Variants in CNTN4 observed in about 807,000 individuals in gnomAD.
CNTN4 encodes the protein contactin 4.
CNTN4 carries 77 observed loss-of-function variants against 122.5 expected under a neutral mutation model. The ratio of observed to expected loss-of-function variants is 0.63; its 90% CI spans 0.52 to 0.76. CNTN4 has a LOEUF of 0.76. CNTN4 is among the 30% of genes least tolerant of loss of function. The pLI is 0.00. For synonymous variants in CNTN4, 512 were observed against 447.0 expected (o/e 1.15, Z -1.83); for missense variants, 1,256 against 1,259.1 (o/e 1.00, Z 0.04).
At chr3:2,443,025 G>A (rs964161939) in intron 3 of CNTN4, among the ~76,000 whole-genome samples, 22 of 151,734 alleles carry the variant, frequency 1.4e-4, no homozygotes, top group African/African-American at 5.3e-4. Flanking sequence ...GAGAAGAAAA[G>A]GTAACTATTG....
intron 2 of CNTN4, among the ~76,000 whole-genome samples, chr3:2,210,369 A>T (rs866863826): frequency 2.6e-5 from 4 of 152,156 alleles, no homozygotes; most frequent in Non-Finnish European, 2.9e-5. Flanking sequence ...GGAGGAGGTG[A>T]CAGCACGCTG....
rs1401388652 is a variant in CNTN4 at position 2,167,181 on chromosome 3, G to T, written c.-145+66542G>T. Among the ~76,000 whole-genome samples, 6 of 152,020 alleles carry T rather than the reference G, an allele frequency of 3.9e-5. No homozygotes were observed. The East Asian group carries it at 1.2e-3, about 29-fold the overall frequency. ...TAAACCAATTCCATGCTGTTTAAAA[G>T]AAGACTTTTTTTTTAAATGGCACAA... is the stretch of plus-strand genomic sequence containing the variant. On this transcript the variant is annotated intron_variant, in intron 2 of 24. Transcript: ENST00000418658.
chr3:2,105,467 C>T (rs1215589620), intron 2 of CNTN4, among the ~76,000 whole-genome samples: 3 of 152,138 alleles, frequency 2.0e-5, no homozygotes, highest in African/African-American at 7.2e-5. Flanking sequence ...AGGAAATTTA[C>T]AACCATGGCA....
chr3:2,272,911 T>G (rs567343127), intron 2 of CNTN4, among the ~76,000 whole-genome samples: 1 of 152,020 alleles, frequency 6.6e-6, no homozygotes, highest in Non-Finnish European at 1.5e-5. Flanking sequence ...TCAAGCCCTA[T>G]CAAAGTGCCC....
At chr3:2,168,696 T>G (rs561312825) in intron 2 of CNTN4, among the ~76,000 whole-genome samples, 71 of 152,296 alleles carry the variant, frequency 4.7e-4, no homozygotes, top group African/African-American at 1.6e-3. Context: ...CTTTGTTGTT[T>G]CTGATTCAAA....
intron 13 of CNTN4, among the ~76,000 whole-genome samples, chr3:2,943,197 G>C (rs1479460318): frequency 1.0e-5 from 1 of 98,906 alleles, no homozygotes; most frequent in East Asian, 2.8e-4. Flanking sequence ...GCTCACAACT[G>C]ATTCCTGTCC....
intron 3 of CNTN4, among the ~76,000 whole-genome samples, chr3:2,368,043 T>G (rs951794650): frequency 2.0e-5 from 3 of 148,296 alleles, no homozygotes; most frequent in African/African-American, 7.5e-5. Flanking sequence ...TTTTTTTTTT[T>G]TTTTTTTGAG....
At chr3:3,003,881 C>G (rs190337341) in intron 14 of CNTN4, among the ~76,000 whole-genome samples, 1 of 151,992 alleles carries the variant, frequency 6.6e-6, no homozygotes, top group East Asian at 1.9e-4. Context: ...CACTAGGTAG[C>G]TGGGATTACA....
intron 2 of CNTN4, among the ~76,000 whole-genome samples, chr3:2,271,545 A>C (rs1021843185): frequency 6.6e-6 from 1 of 152,196 alleles, no homozygotes; most frequent in African/African-American, 2.4e-5. Flanking sequence ...AATGAAATGG[A>C]TTCACATTTT....
At chr3:2,212,773 A>G (rs937445709) in intron 2 of CNTN4, among the ~76,000 whole-genome samples, 1 of 152,224 alleles carries the variant, frequency 6.6e-6, no homozygotes, top group African/African-American at 2.4e-5. Flanking sequence ...AATGGCAGTG[A>G]CATATCCCTG....
chr3:2,907,754 T>C (rs73114630), intron 12 of CNTN4, among the ~76,000 whole-genome samples: 204 of 152,350 alleles, frequency 1.3e-3, no homozygotes, highest in African/African-American at 4.6e-3. Context: ...TAATAGGTTT[T>C]TCCCTTGGTT....
intron 4 of CNTN4, among the ~76,000 whole-genome samples, chr3:2,630,415 G>A (rs1189327296): frequency 6.6e-6 from 1 of 152,126 alleles, no homozygotes; most frequent in East Asian, 1.9e-4. Flanking sequence ...CTCCAGCCTG[G>A]GCGACAGATT....
At chr3:2,217,817 C>A (rs1194991024) in intron 2 of CNTN4, among the ~76,000 whole-genome samples, 1 of 151,974 alleles carries the variant, frequency 6.6e-6, no homozygotes, top group African/African-American at 2.4e-5. Flanking sequence ...CTTTTTGCAC[C>A]AGTTGAGATA....
intron 3 of CNTN4, among the ~76,000 whole-genome samples, chr3:2,364,907 T>A (rs1183027033): frequency 6.6e-6 from 1 of 152,204 alleles, no homozygotes; most frequent in East Asian, 1.9e-4. Context: ...GTTTTCATAG[T>A]CCACAAGATA....
intron 6 of CNTN4, among the ~76,000 whole-genome samples, chr3:2,766,713 C>G (rs913182159): frequency 6.6e-6 from 1 of 152,206 alleles, no homozygotes; most frequent in East Asian, 1.9e-4. Flanking sequence ...CTCATGTAAC[C>G]AAATACCCCC....
At chr3:2,981,819 C>G (rs769176312) in intron 13 of CNTN4, among the ~76,000 whole-genome samples, 7 of 152,042 alleles carry the variant, frequency 4.6e-5, no homozygotes, top group Non-Finnish European at 1.0e-4. Flanking sequence ...CTGAGGCCCT[C>G]GGATCACTTG....
intron 2 of CNTN4, among the ~76,000 whole-genome samples, chr3:2,289,704 G>A (rs966918631): frequency 6.6e-6 from 1 of 152,098 alleles, no homozygotes; most frequent in Non-Finnish European, 1.5e-5. Flanking sequence ...AAATATAAGA[G>A]AAAATAAGAT....
At chr3:2,990,352 A>G (rs1694947126) in intron 14 of CNTN4, among the ~76,000 whole-genome samples, 1 of 152,218 alleles carries the variant, frequency 6.6e-6, no homozygotes, top group East Asian at 1.9e-4. Context: ...ACCCCAATAG[A>G]ATAATTAGCA....
intron 4 of CNTN4, among the ~76,000 whole-genome samples, chr3:2,706,274 A>G (rs1041919361): frequency 2.8e-4 from 43 of 152,130 alleles, no homozygotes; most frequent in African/African-American, 9.2e-4. Flanking sequence ...GCCCAACACT[A>G]TGATCAGTGA....
Sources: gnomAD v4.1 joint callset for allele counts (sites outside exome capture counted in the v4.1 genomes callset) on GRCh38, gnomAD v4.1.1 for gene constraint, MANE v1.5 for transcripts, NCBI Gene and HGNC (gene_info 2026-07-23, HGNC 2026-07-21) for gene names.